The following PRKN variants were observed in gnomAD, a reference collection of about 807,000 sequenced individuals.
PRKN encodes parkin RBR E3 ubiquitin protein ligase, also known as E3 ubiquitin-protein ligase parkin.
In PRKN, 56 loss-of-function variants were observed where a neutral mutation model predicts 59.5. The observed-to-expected ratio is 0.94, with a 90% CI of 0.76 to 1.18. The LOEUF is 1.18. Among genes scored for constraint, PRKN ranks in the 50% most tolerant of loss-of-function variants. The probability of loss-of-function intolerance (pLI) is 0.00; values close to 1 mark genes in which losing one functional copy is unlikely to be tolerated. For missense variants in PRKN, 657 were observed against 596.4 expected, an observed-to-expected ratio of 1.10 and a Z score of -1.06; for synonymous variants, 250 against 222.1, an observed-to-expected ratio of 1.13 and a Z score of -1.12.
Position 161,497,573 on chromosome 6 carries a change from TCTCTCA to T in PRKN, c.1083+51275_1083+51280del, listed in dbSNP as rs1777801172. ...TTACATGTCTCTCTCTCTCTCTCTC[TCTCTCA>T]CACACACACACACACACACCATATC... is the stretch of plus-strand genomic sequence containing the variant. On this transcript the variant is annotated intron_variant, in intron 9 of 11. Transcript: ENST00000366898. This position sits in a 1 kb window ranked among gnomAD's most constrained non-coding sequence, Gnocchi z 4.6. Among the ~76,000 whole-genome samples the T allele has an allele frequency of 1.6e-5, 2 of 124,140 alleles. No homozygotes were observed. Among genetic ancestry groups the T allele is most frequent in the African/African-American group, 6.1e-5 (2 of 32,540 alleles). 81.4% of individuals were successfully genotyped at this position (124,140 alleles called of 152,430 possible).
At chr6:162,212,628 T>C (rs1213003943) in intron 3 of PRKN, among the ~76,000 whole-genome samples, 1 of 152,180 alleles carries the variant, frequency 6.6e-6, no homozygotes, top group Non-Finnish European at 1.5e-5. Context: ...AATCTAAACA[T>C]GCTTATATAC....
intron 6 of PRKN, among the ~76,000 whole-genome samples, chr6:161,957,674 C>T (rs532189431): frequency 2.3e-4 from 35 of 152,280 alleles, no homozygotes; most frequent in Admixed American, 1.8e-3. Context: ...CCACCCGCCT[C>T]GGCCTCCCAA....
intron 2 of PRKN, among the ~76,000 whole-genome samples, chr6:162,409,801 A>G (rs910938450): frequency 1.3e-5 from 2 of 152,220 alleles, no homozygotes; most frequent in African/African-American, 4.8e-5. Context: ...CTCAGAGAAG[A>G]TAATTCAAAG....
chr6:162,109,477 C>G (rs114867034), intron 4 of PRKN, among the ~76,000 whole-genome samples: 1 of 152,080 alleles, frequency 6.6e-6, no homozygotes, highest in Non-Finnish European at 1.5e-5. Context: ...CTGGCCAGGA[C>G]GATGAGGGGC....
chr6:161,899,157 TGGCCAGCCA>T (rs1777783367), intron 6 of PRKN, among the ~76,000 whole-genome samples: 1 of 152,214 alleles, frequency 6.6e-6, no homozygotes, highest in Non-Finnish European at 1.5e-5. Context: ...GGGGAGGCCC[TGGCCAGCCA>T]GGCACACATT....
At chr6:161,653,035 C>G (rs1440566749) in intron 7 of PRKN, among the ~76,000 whole-genome samples, 2 of 152,200 alleles carry the variant, frequency 1.3e-5, no homozygotes, top group Non-Finnish European at 2.9e-5. Context: ...TTATCATGAG[C>G]AATACCTCTG....
chr6:161,690,604 G>A (rs1222875330), intron 7 of PRKN, among the ~76,000 whole-genome samples: 2 of 152,174 alleles, frequency 1.3e-5, no homozygotes, highest in African/African-American at 2.4e-5. Flanking sequence ...TAGCATTTGA[G>A]TTGAGAAAAG....
chr6:161,554,915 C>T lies in PRKN; in HGVS notation c.934-5912G>A, dbSNP rs1003486664. Among the ~76,000 whole-genome samples, 9 of 151,634 alleles carry T rather than the reference C, an allele frequency of 5.9e-5. No homozygotes were observed. Among genetic ancestry groups the T allele is most frequent in the African/African-American group, 2.2e-4 (9 of 41,284 alleles). ...GCCTAGATGCCCAAGGAATTTTTTC[C>T]ATTTCTTTAGAATCCAGGAATTTTG... On this transcript the variant is annotated intron_variant, in intron 8 of 11. Transcript: ENST00000366898. This position sits in a 1 kb window ranked among gnomAD's most constrained non-coding sequence, Gnocchi z 4.5.
In PRKN at chr6:161,360,129, G is replaced by T. The variant is rs778125254; in HGVS notation, c.1244C>A (p.Thr415Asn). Residue 415 changes from threonine to asparagine, a missense_variant, in exon 11 of 12, where the codon ACC becomes AAC. Thr to Asn is a moderately conservative substitution (Grantham distance 65, BLOSUM62 0). Coordinates refer to ENST00000366898, the MANE Select transcript of PRKN (RefSeq NM_004562.3). The surrounding 1 kb of genome is among the most constrained non-coding windows in gnomAD (Gnocchi z 5.1). ...TACATGGCAGCGGGGACAGGGCTTG[G>T]TGGTTTTCTTGATGGTTTCTTTGGA... ...AASKETIKKT[T>N]KPCPRCHVPV... is the part of the protein sequence containing the mutation. The T allele has an allele frequency of 3.1e-6, 5 of 1,614,182 alleles. No homozygotes were observed. Among genetic ancestry groups the T allele is most frequent in the Admixed American group, 1.7e-5 (1 of 60,024 alleles).
intron 7 of PRKN, among the ~76,000 whole-genome samples, chr6:161,753,492 C>T (rs559404530): frequency 1.1e-4 from 17 of 152,286 alleles, no homozygotes; most frequent in Non-Finnish European, 1.6e-4. Context: ...CTCTTAGAAG[C>T]AGTACGAAGA....
intron 9 of PRKN, among the ~76,000 whole-genome samples, chr6:161,506,527 G>A (rs1215938283): frequency 2.0e-5 from 3 of 152,160 alleles, no homozygotes; most frequent in African/African-American, 7.2e-5. Context: ...ACTCAATAGA[G>A]GCTGAAAAAT....
intron 1 of PRKN, among the ~76,000 whole-genome samples, chr6:162,692,349 T>C (rs538509820): frequency 2.5e-4 from 38 of 152,266 alleles, no homozygotes; most frequent in Non-Finnish European, 4.9e-4. Context: ...GGATATAACC[T>C]CTAAGTGCTT....
intron 9 of PRKN, among the ~76,000 whole-genome samples, chr6:161,412,585 G>A (rs1196711435): frequency 3.6e-5 from 4 of 112,564 alleles, no homozygotes; most frequent in East Asian, 2.8e-4. Context: ...TCATTCCTCC[G>A]CTCACTCAGT....
intron 1 of PRKN, among the ~76,000 whole-genome samples, chr6:162,621,907 CG>C (rs1458597512): frequency 6.6e-6 from 1 of 152,108 alleles, no homozygotes; most frequent in Non-Finnish European, 1.5e-5. Flanking sequence ...CCTCCATCTC[CG>C]GGTTCAATTG....
At chr6:161,669,099 T>C (rs892627295) in intron 7 of PRKN, among the ~76,000 whole-genome samples, 1 of 152,122 alleles carries the variant, frequency 6.6e-6, no homozygotes. Flanking sequence ...CTGAGAGAGC[T>C]CATCTGCCAC....
At chr6:161,358,788 CT>C (rs34428983) in intron 11 of PRKN, among the ~76,000 whole-genome samples, 152 of 67,810 alleles carry the variant, frequency 2.2e-3, no homozygotes, top group Middle Eastern at 0.018. Flanking sequence ...GCCTTCTGCT[CT>C]TTTTTTTTTT....
At chr6:161,942,578 G>C (rs1470534419) in intron 6 of PRKN, among the ~76,000 whole-genome samples, 1 of 152,108 alleles carries the variant, frequency 6.6e-6, no homozygotes, top group Non-Finnish European at 1.5e-5. Flanking sequence ...GCAAGATTTT[G>C]TTGTTGGATA....
intron 7 of PRKN, among the ~76,000 whole-genome samples, chr6:161,617,322 T>C (rs918424995): frequency 1.6e-4 from 24 of 152,346 alleles, no homozygotes; most frequent in African/African-American, 5.5e-4. Flanking sequence ...GTCAGATGGA[T>C]AGAGTGCAAA....
At chr6:161,583,631 AT>A (rs1781424301) in intron 7 of PRKN, among the ~76,000 whole-genome samples, 2 of 152,126 alleles carry the variant, frequency 1.3e-5, no homozygotes, top group African/African-American at 4.8e-5. Context: ...AGTCACCAGT[AT>A]TTTTTTATGA....
Sources: allele counts gnomAD v4.1 joint callset (sites outside exome capture counted in the v4.1 genomes callset), GRCh38; gene constraint gnomAD v4.1.1; non-coding constraint Gnocchi (gnomAD v3.1); transcripts MANE v1.5; gene names NCBI Gene and HGNC (gene_info 2026-07-23, HGNC 2026-07-21).